EHMT1: variants seen among roughly 807,000 people sequenced by gnomAD.
EHMT1 encodes euchromatic histone lysine methyltransferase 1.
Under a neutral mutation model 147.2 loss-of-function variants are expected in EHMT1, and 15 were observed. The observed-to-expected ratio is 0.10, with a 90% CI of 0.07 to 0.16. EHMT1 has a LOEUF of 0.16. Among genes scored for constraint, EHMT1 ranks in the 10% least tolerant of loss-of-function variants. The pLI is 1.00. For missense variants in EHMT1, 1,587 were observed against 1,772.4 expected (o/e 0.90, Z 1.88); for synonymous variants, 795 against 709.6 (o/e 1.12, Z -1.91).
At chr9:137,706,822 CAT>C (rs918224839) in intron 1 of EHMT1, among the ~76,000 whole-genome samples, 2 of 151,538 alleles carry the variant, frequency 1.3e-5, no homozygotes, top group Non-Finnish European at 2.9e-5. Context: ...ATCTTTTATA[CAT>C]ATATATATAT....
At chr9:137,706,818 T>TATAC (rs1399628071) in intron 1 of EHMT1, among the ~76,000 whole-genome samples, 1 of 151,842 alleles carries the variant, frequency 6.6e-6, no homozygotes, top group African/African-American at 2.4e-5. Context: ...ATTTATCTTT[T>TATAC]ATACATATAT....
intron 25 of EHMT1, among the ~76,000 whole-genome samples, chr9:137,833,254 G>A (rs1284835400): frequency 6.6e-6 from 1 of 152,218 alleles, no homozygotes; most frequent in Non-Finnish European, 1.5e-5. Flanking sequence ...GTCCTGGAAA[G>A]CCCCAGGTGC....
intron 16 of EHMT1, among the ~76,000 whole-genome samples, chr9:137,796,703 C>CAAAAAAAAAAAAAAAAA (rs11449759): frequency 2.3e-5 from 2 of 85,836 alleles, no homozygotes; most frequent in African/African-American, 5.2e-5. Flanking sequence ...GACTCCATCT[C>CAAAAAAAAAAAAAAAAA]AAAAAAAAAA....
chr9:137,690,506 CA>C (rs34887611), intron 1 of EHMT1, among the ~76,000 whole-genome samples: 33,378 of 91,282 alleles, frequency 0.37, 3,779 homozygotes, highest in Admixed American at 0.47. Flanking sequence ...GACCCTGTCT[CA>C]AAAAAAAAAA....
chr9:137,807,992 TC>T (rs1954093328), intron 18 of EHMT1, among the ~76,000 whole-genome samples: 1 of 152,226 alleles, frequency 6.6e-6, no homozygotes, highest in Non-Finnish European at 1.5e-5. Context: ...TAAGGACTCT[TC>T]TTCGTGTGAA....
At chr9:137,822,805 C>A (rs1040989893) in intron 25 of EHMT1, among the ~76,000 whole-genome samples, 3 of 150,612 alleles carry the variant, frequency 2.0e-5, no homozygotes, top group Admixed American at 6.6e-5. Flanking sequence ...AGGCAGGAGA[C>A]TTGCTTGAAC....
At chr9:137,646,727 G>A (rs533387787) in intron 1 of EHMT1, among the ~76,000 whole-genome samples, 21 of 152,302 alleles carry the variant, frequency 1.4e-4, no homozygotes, top group Non-Finnish European at 2.9e-4. Context: ...CCTCACTGCC[G>A]CAAATCTTGT....
At chr9:137,691,945 G>A (rs535449941) in intron 1 of EHMT1, among the ~76,000 whole-genome samples, 56 of 152,140 alleles carry the variant, frequency 3.7e-4, no homozygotes, top group Non-Finnish European at 1.2e-4. Context: ...TTTTAATAGA[G>A]GACCTTTTGA....
At chr9:137,651,824 C>G (rs996489510) in intron 1 of EHMT1, among the ~76,000 whole-genome samples, 1 of 151,962 alleles carries the variant, frequency 6.6e-6, no homozygotes, top group Admixed American at 6.6e-5. Flanking sequence ...GTAGTGGAGC[C>G]GAAAAGTTCC....
rs963152950 is a variant in EHMT1 at position 137,737,402 on chromosome 9, A to G, written c.824-5969A>G. ...TTGACAAGAGTGCCAAGACCATTCA[A>G]CGGGGGAAAGGACAGCTTTCCAACA... On this transcript the variant is annotated intron_variant, in intron 4 of 26. Transcript: ENST00000460843. Among the ~76,000 whole-genome samples, 7 of 152,208 alleles carry G rather than the reference A, an allele frequency of 4.6e-5. No individual in the cohort carries two copies. In the South Asian group the frequency reaches 6.2e-4, roughly 14 times the overall value.
intron 2 of EHMT1, chr9:137,715,909 T>A: frequency 1.1e-6 from 1 of 896,426 alleles, no homozygotes; most frequent in Non-Finnish European, 1.3e-6. Context: ...CGTTAATGCT[T>A]AAGAAATGTT....
chr9:137,687,067 A>G (rs1942519271), intron 1 of EHMT1, among the ~76,000 whole-genome samples: 1 of 152,166 alleles, frequency 6.6e-6, no homozygotes. Flanking sequence ...CAGTTGCCCC[A>G]GCAACATAGT....
intron 4 of EHMT1, chr9:137,742,839 G>A (rs1198696381): frequency 5.3e-6 from 1 of 188,226 alleles, no homozygotes; most frequent in Non-Finnish European, 1.1e-5. Context: ...GTTGGGCTGT[G>A]GAGTCACAGG....
At chr9:137,788,497 T>A (rs1395422205) in intron 15 of EHMT1, 1 of 161,230 alleles carries the variant, frequency 6.2e-6, no homozygotes, top group Non-Finnish European at 1.3e-5. Flanking sequence ...GTAGGGAAGT[T>A]GCAGGTGTAG....
intron 1 of EHMT1, among the ~76,000 whole-genome samples, chr9:137,686,245 C>T (rs1942416307): frequency 1.3e-5 from 2 of 151,932 alleles, no homozygotes; most frequent in South Asian, 4.2e-4. Flanking sequence ...TCTTTGGTTG[C>T]TTGTGCTTTT....
rs184770482 is a variant in EHMT1, at chr9:137,815,789, A to T, written c.3259-158A>T. On this transcript the variant is annotated intron_variant, in intron 22 of 26. Coordinates refer to ENST00000460843, the MANE Select transcript of EHMT1 (RefSeq NM_024757.5). ...GAGGCTTCTCATCCAAACCGTACACATGGAGTTTTTCCCTAGGTGGGTGTT... is the reference window on the plus strand; with the variant it reads ...GAGGCTTCTCATCCAAACCGTACACTTGGAGTTTTTCCCTAGGTGGGTGTT... 4,160 of 701,524 alleles carry T rather than the reference A, an allele frequency of 5.9e-3. 29 individuals are homozygous for T. Among genetic ancestry groups the T allele is most frequent in the Middle Eastern group, 0.018 (59 of 3,322 alleles). The allele number at this position is 701,524 out of a possible 1,614,324, so 43.5% of individuals were successfully genotyped here.
In EHMT1 at chr9:137,752,391, G is replaced by A. The variant is rs754380060; in HGVS notation, c.1231G>A (p.Gly411Ser). The change falls in exon 7 of 27, where the codon GGT (glycine) becomes AGT (serine). Residue 411 changes from glycine to serine, a missense_variant. Transcript: ENST00000460843. ...GGACACCGGGGAGGAGGAGGAAGGC[G>A]GTGACGAGTCTGACCTGGTAATGCC... ...SVDTGEEEEG[G>S]DESDLSSESS... The A allele has an allele frequency of 1.7e-5, 27 of 1,613,884 alleles. No homozygotes were observed. Among genetic ancestry groups the A allele is most frequent in the African/African-American group, 5.3e-5 (4 of 74,938 alleles).
At chr9:137,619,078 GC>G in intron 1 of EHMT1, 29 bp downstream of exon 1, 1 of 782,632 alleles carries the variant, frequency 1.3e-6, no homozygotes. Context: ...GGGGGGCGGC[GC>G]GGGGGCGGCG....
At chr9:137,834,079 G>A (rs373692002) in intron 25 of EHMT1, 173 of 546,144 alleles carry the variant, frequency 3.2e-4, no homozygotes, top group Non-Finnish European at 4.7e-4. Context: ...CCATGGGGAC[G>A]CCGTCAAGGG....
Sources: gnomAD v4.1 joint callset for allele counts (sites outside exome capture counted in the v4.1 genomes callset) on GRCh38, gnomAD v4.1.1 for gene constraint, MANE v1.5 for transcripts, NCBI Gene and HGNC (gene_info 2026-07-23, HGNC 2026-07-21) for gene names.